The following FHIP1A variants were observed in gnomAD, a reference collection of about 807,000 sequenced individuals.
The protein encoded by FHIP1A is FHF complex subunit HOOK interacting protein 1A, also known as FHF complex subunit HOOK-interacting protein 1A.
FHIP1A carries 61 observed loss-of-function variants against 88.6 expected under a neutral mutation model. The observed-to-expected ratio is 0.69, with a 90% CI of 0.56 to 0.85. FHIP1A has a LOEUF of 0.85. FHIP1A is among the 40% of genes least tolerant of loss of function. FHIP1A has a pLI of 0.00. For synonymous variants in FHIP1A, 478 were observed against 496.0 expected, an observed-to-expected ratio of 0.96 and a Z score of 0.48; for missense variants, 1,154 against 1,273.5, an observed-to-expected ratio of 0.91 and a Z score of 1.43.
At chr4:151,421,030 T>C (rs1377954468) in intron 1 of FHIP1A, among the ~76,000 whole-genome samples, 1 of 152,238 alleles carries the variant, frequency 6.6e-6, no homozygotes, top group African/African-American at 2.4e-5. Context: ...AAAGTCCTCT[T>C]GAATTTGCCC....
chr4:151,495,372 C>T (rs190591129), intron 3 of FHIP1A, among the ~76,000 whole-genome samples: 201 of 151,752 alleles, frequency 1.3e-3, no homozygotes, highest in Non-Finnish European at 2.4e-3. Context: ...TGTGGTAGCA[C>T]GCGCCTGTAG....
At chr4:151,410,474 A>G (rs143934763) in intron 1 of FHIP1A, among the ~76,000 whole-genome samples, 187 of 152,384 alleles carry the variant, frequency 1.2e-3, no homozygotes, top group African/African-American at 4.2e-3. Context: ...GCTAATAGTC[A>G]TAGCAGCCCT....
chr4:151,523,405 C>T (rs568911229), intron 3 of FHIP1A, among the ~76,000 whole-genome samples: 39 of 152,240 alleles, frequency 2.6e-4, no homozygotes, highest in African/African-American at 9.4e-4. Flanking sequence ...GTTTACATTC[C>T]TCCCTCTATT....
intron 1 of FHIP1A, among the ~76,000 whole-genome samples, chr4:151,411,371 G>T (rs1459635972): frequency 2.4e-5 from 1 of 41,910 alleles, no homozygotes; most frequent in Non-Finnish European, 6.1e-5. Context: ...TTAAAGTTAG[G>T]GTCTCTCTCT....
At chr4:151,509,686 C>T (rs550412465) in intron 3 of FHIP1A, among the ~76,000 whole-genome samples, 24 of 152,140 alleles carry the variant, frequency 1.6e-4, no homozygotes, top group South Asian at 6.2e-4. Flanking sequence ...GCACCTCAGA[C>T]GCCTCCTTTG....
At chr4:151,571,013 G>A (rs547658834) in intron 4 of FHIP1A, among the ~76,000 whole-genome samples, 8 of 152,128 alleles carry the variant, frequency 5.3e-5, no homozygotes, top group Non-Finnish European at 1.2e-4. Context: ...GAATGGAAAA[G>A]AGGACAGAAA....
intron 1 of FHIP1A, among the ~76,000 whole-genome samples, chr4:151,446,573 T>G (rs1728612366): frequency 7.8e-6 from 1 of 127,804 alleles, no homozygotes. Context: ...GAATGTGTTG[T>G]TCTTTTTCTT....
At chr4:151,638,587 T>A in intron 8 of FHIP1A, 90 bp from the exon 9 acceptor site, 2 of 739,350 alleles carry the variant, frequency 2.7e-6, no homozygotes, top group Non-Finnish European at 4.3e-6. Context: ...AAGGCCATTA[T>A]ATTTTGTAAT....
chr4:151,454,597 G>C (rs1211066416), intron 1 of FHIP1A, 104 bp from the exon 2 acceptor site: 1 of 152,016 alleles, frequency 6.6e-6, no homozygotes, highest in Non-Finnish European at 1.5e-5. Context: ...GCAAGGTTGA[G>C]GCAAATTAGG....
intron 3 of FHIP1A, among the ~76,000 whole-genome samples, chr4:151,551,075 C>A (rs66852535): frequency 0.32 from 49,270 of 151,992 alleles, 8,017 homozygotes; most frequent in Non-Finnish European, 0.34. Flanking sequence ...GCTGACAGCC[C>A]ACAGCACTCC....
chr4:151,544,555 A>G (rs1732413542), intron 3 of FHIP1A, among the ~76,000 whole-genome samples: 1 of 152,126 alleles, frequency 6.6e-6, no homozygotes, highest in African/African-American at 2.4e-5. Context: ...GAGTGTGAAG[A>G]TGGGGACCTG....
intron 7 of FHIP1A, among the ~76,000 whole-genome samples, chr4:151,614,892 C>T (rs1026367942): frequency 2.6e-5 from 4 of 152,196 alleles, no homozygotes; most frequent in Admixed American, 2.6e-4. Context: ...GAGTCTTTCA[C>T]ATAAAGCTTT....
intron 3 of FHIP1A, among the ~76,000 whole-genome samples, chr4:151,560,539 T>C (rs1733133610): frequency 6.6e-6 from 1 of 152,158 alleles, no homozygotes; most frequent in South Asian, 2.1e-4. Flanking sequence ...ATAGAACTTG[T>C]CAGATCATTT....
chr4:151,440,416 A>G (rs1318543065), intron 1 of FHIP1A, among the ~76,000 whole-genome samples: 1 of 152,176 alleles, frequency 6.6e-6, no homozygotes, highest in East Asian at 1.9e-4. Flanking sequence ...GGATGAACAA[A>G]CAAATAGATT....
intron 2 of FHIP1A, among the ~76,000 whole-genome samples, chr4:151,480,215 C>T (rs1033333296): frequency 1.3e-5 from 2 of 152,006 alleles, no homozygotes; most frequent in Admixed American, 1.3e-4. Flanking sequence ...AGTCATGAAG[C>T]GTTGCTGCTG....
intron 9 of FHIP1A, among the ~76,000 whole-genome samples, chr4:151,643,065 C>T (rs1342213600): frequency 6.6e-6 from 1 of 151,876 alleles, no homozygotes; most frequent in East Asian, 1.9e-4. Flanking sequence ...AAACAAAATA[C>T]ATATAGTATA....
intron 3 of FHIP1A, among the ~76,000 whole-genome samples, chr4:151,538,416 T>C (rs1732148699): frequency 6.6e-6 from 1 of 152,220 alleles, no homozygotes; most frequent in Non-Finnish European, 1.5e-5. Flanking sequence ...TCCTGTCACC[T>C]GAAGTACTTT....
chr4:151,552,578 A>G (rs980780688), intron 3 of FHIP1A, among the ~76,000 whole-genome samples: 1 of 152,206 alleles, frequency 6.6e-6, no homozygotes, highest in African/African-American at 2.4e-5. Context: ...TCACAAGGAT[A>G]GAAAACCAAA....
rs1438989689 is a variant in FHIP1A, at chr4:151,586,655, G to T, written c.747G>T (p.Gly249=). The T allele has an allele frequency of 6.5e-7, 1 of 1,546,874 alleles. No homozygotes were observed. Among genetic ancestry groups the T allele is most frequent in the Admixed American group, 2.0e-5 (1 of 50,806 alleles). The change falls in exon 6 of 14, where the codon GGG becomes GGT. Residue 249 remains glycine, a synonymous_variant. Transcript: ENST00000435205. The part of the protein sequence containing the change: ...NTYFCPVLAT[G]LSGLYSSLPT... ...TCTGAACACAGGTACTTGCAACTGG[G>T]CTCAGTGGTCTCTACTCTTCCCTGC...
Sources: allele counts gnomAD v4.1 joint callset (sites outside exome capture counted in the v4.1 genomes callset), GRCh38; gene constraint gnomAD v4.1.1; transcripts MANE v1.5; gene names NCBI Gene and HGNC (gene_info 2026-07-23, HGNC 2026-07-21).